Variants in PDE4D observed in about 807,000 individuals in gnomAD.
The protein encoded by PDE4D is 3',5'-cyclic-AMP phosphodiesterase 4D.
Under a neutral mutation model 87.4 loss-of-function variants are expected in PDE4D, and 24 were observed. The observed-to-expected ratio is 0.27, with a 90% confidence interval of 0.20 to 0.39. PDE4D has a LOEUF of 0.39. PDE4D is among the 10% of genes least tolerant of loss of function. The pLI is 1.00. For missense variants in PDE4D, 714 were observed against 1,041.0 expected (o/e 0.69, Z 4.32); for synonymous variants, 384 against 383.2 (o/e 1.00, Z -0.02).
intron 5 of PDE4D, among the ~76,000 whole-genome samples, chr5:59,061,645 T>C (rs1202486643): frequency 6.6e-6 from 1 of 152,040 alleles, no homozygotes; most frequent in African/African-American, 2.4e-5. Context: ...ACTCTTCCTG[T>C]CCATTCTAAT....
At chr5:59,180,197 G>A (rs1424555669) in intron 5 of PDE4D, among the ~76,000 whole-genome samples, 1 of 152,104 alleles carries the variant, frequency 6.6e-6, no homozygotes, top group Admixed American at 6.5e-5. Context: ...GAACCAACAC[G>A]TTACTCCTTT....
intron 6 of PDE4D, among the ~76,000 whole-genome samples, chr5:59,027,031 A>G (rs1756371768): frequency 6.6e-6 from 1 of 152,158 alleles, no homozygotes; most frequent in South Asian, 2.1e-4. Context: ...CCCATCCAGG[A>G]TACCACATAA....
chr5:59,996,984 C>G (rs1763578786), intron 2 of PDE4D, among the ~76,000 whole-genome samples: 1 of 152,022 alleles, frequency 6.6e-6, no homozygotes, highest in African/African-American at 2.4e-5. Flanking sequence ...ACTCAGTCAT[C>G]AAAACTTCCA....
intron 1 of PDE4D, among the ~76,000 whole-genome samples, chr5:59,298,959 T>C (rs1021078075): frequency 6.6e-6 from 1 of 152,318 alleles, no homozygotes; most frequent in Non-Finnish European, 1.5e-5. Context: ...AATAATTTTG[T>C]TTAAATTTTC....
intron 1 of PDE4D, among the ~76,000 whole-genome samples, chr5:60,348,644 TATG>T (rs1423490444): frequency 6.6e-6 from 1 of 152,156 alleles, no homozygotes; most frequent in Admixed American, 6.6e-5. Context: ...TCATTTTTAA[TATG>T]ATGACTTTCA....
At chr5:59,157,200 C>A in intron 5 of PDE4D, 1 of 635,184 alleles carries the variant, frequency 1.6e-6, no homozygotes, top group South Asian at 1.9e-5. Flanking sequence ...TTCCACCAGT[C>A]AGCATAAAAT....
chr5:59,361,560 A>C (rs1582158414), intron 1 of PDE4D, among the ~76,000 whole-genome samples: 1 of 152,250 alleles, frequency 6.6e-6, no homozygotes. Flanking sequence ...TTACATCTTG[A>C]AATTCACTTC....
At chr5:60,404,161 CTTT>C (rs35780128) in intron 1 of PDE4D, among the ~76,000 whole-genome samples, 5,465 of 119,476 alleles carry the variant, frequency 0.046, 180 homozygotes, top group African/African-American at 0.16. Flanking sequence ...TCAGCCAATT[CTTT>C]TTTTTTTTTT....
At chr5:60,210,069 CT>C (rs1743013399) in intron 1 of PDE4D, among the ~76,000 whole-genome samples, 1 of 152,074 alleles carries the variant, frequency 6.6e-6, no homozygotes, top group Non-Finnish European at 1.5e-5. Context: ...TCCATACTAA[CT>C]TAGAATCTAC....
At chr5:60,471,526 A>G (rs554982390) in intron 1 of PDE4D, among the ~76,000 whole-genome samples, 1 of 152,304 alleles carries the variant, frequency 6.6e-6, no homozygotes, top group South Asian at 2.1e-4. Flanking sequence ...CATGAAAGGA[A>G]GAGTCGATTG....
intron 1 of PDE4D, chr5:59,586,203 G>T: frequency 1.4e-6 from 1 of 695,884 alleles, no homozygotes; most frequent in South Asian, 2.2e-5. Context: ...ATTCGGTTTT[G>T]CACAGTTTAC....
chr5:59,157,315 T>C, intron 5 of PDE4D: 1 of 702,628 alleles, frequency 1.4e-6, no homozygotes, highest in South Asian at 1.5e-5. Flanking sequence ...GGGTCACACG[T>C]GTTTCACATG....
At chr5:59,360,091 G>T (rs967103757) in intron 1 of PDE4D, among the ~76,000 whole-genome samples, 2 of 152,086 alleles carry the variant, frequency 1.3e-5, no homozygotes, top group Admixed American at 1.3e-4. Flanking sequence ...TGGCAAATTT[G>T]GGTTTCGGTG....
chr5:59,002,417 C>A (rs1274395082), intron 6 of PDE4D, among the ~76,000 whole-genome samples: 1 of 151,792 alleles, frequency 6.6e-6, no homozygotes, highest in African/African-American at 2.4e-5. Context: ...GAGGCTAAGT[C>A]ATAAGAAATC....
At chr5:60,486,674 A>G (rs1749167155) in intron 1 of PDE4D, among the ~76,000 whole-genome samples, 2 of 152,236 alleles carry the variant, frequency 1.3e-5, no homozygotes. Context: ...AAAATAAGCC[A>G]CTAATGTTAT....
intron 1 of PDE4D, among the ~76,000 whole-genome samples, chr5:59,853,637 T>C (rs897665539): frequency 1.3e-5 from 2 of 152,038 alleles, no homozygotes; most frequent in East Asian, 1.9e-4. Flanking sequence ...CTTTTAACAG[T>C]CTTTAAACTA....
intron 1 of PDE4D, among the ~76,000 whole-genome samples, chr5:59,707,901 T>C (rs914245690): frequency 3.9e-5 from 6 of 152,210 alleles, no homozygotes; most frequent in Admixed American, 2.6e-4. Flanking sequence ...CTATTGTGAA[T>C]AGTGCTGTAA....
chr5:59,217,225 G>C (rs1751450478), intron 1 of PDE4D: 2 of 455,874 alleles, frequency 4.4e-6, no homozygotes, highest in Non-Finnish European at 8.8e-6. Context: ...GATAGCTTAT[G>C]ATAGCCCAGC....
intron 1 of PDE4D, among the ~76,000 whole-genome samples, chr5:59,783,459 A>G (rs1019547846): frequency 6.6e-6 from 1 of 152,200 alleles, no homozygotes; most frequent in Non-Finnish European, 1.5e-5. Context: ...GTCTTCCACT[A>G]CTGTGAGGAA....
Sources: allele counts gnomAD v4.1 joint callset (sites outside exome capture counted in the v4.1 genomes callset), GRCh38; gene constraint gnomAD v4.1.1; transcripts MANE v1.5; gene names NCBI Gene and HGNC (gene_info 2026-07-23, HGNC 2026-07-21).